Variants in SCARB1 observed in about 807,000 individuals in gnomAD.
The protein encoded by SCARB1 is scavenger receptor class B member 1.
In SCARB1, 30 loss-of-function variants were observed where a neutral mutation model predicts 57.2. The ratio of observed to expected loss-of-function variants is 0.52; its 90% CI spans 0.39 to 0.71. The LOEUF is 0.71. SCARB1 is among the 30% of genes least tolerant of loss of function. SCARB1 has a pLI of 0.00. For missense variants in SCARB1, 543 were observed against 671.2 expected, an observed-to-expected ratio of 0.81 and a Z score of 2.11; for synonymous variants, 249 against 268.3, an observed-to-expected ratio of 0.93 and a Z score of 0.70.
Position 124,837,528 on chromosome 12 carries a change from GA to G in SCARB1, c.127-19822del, listed in dbSNP as rs1225930420. ...GGGAGAAAAAAGAAAAGAAAGGAAA[GA>G]AAAAGAAAGAAAAGAAAAGAAAAGA... On this transcript the variant is annotated intron_variant, in intron 1 of 12. Transcript: ENST00000261693. Among the ~76,000 whole-genome samples the G allele has an allele frequency of 8.7e-3, 707 of 81,510 alleles. 46 individuals are homozygous for G. The East Asian group carries it at 0.16, about 18-fold the overall frequency. 53.5% of individuals were successfully genotyped at this position (81,510 alleles called of 152,430 possible).
intron 9 of SCARB1, among the ~76,000 whole-genome samples, chr12:124,791,441 C>T (rs1009374402): frequency 1.3e-5 from 2 of 152,144 alleles, no homozygotes; most frequent in African/African-American, 4.8e-5. Flanking sequence ...CTTCCTAGGA[C>T]TCTAGGGAGG....
intron 8 of SCARB1, among the ~76,000 whole-genome samples, chr12:124,795,587 C>T (rs1287966481): frequency 6.6e-6 from 1 of 152,234 alleles, no homozygotes; most frequent in African/African-American, 2.4e-5. Context: ...AATACCTAAT[C>T]ACTTTCACCT....
At chr12:124,821,374 T>C in intron 1 of SCARB1, 3 of 985,356 alleles carry the variant, frequency 3.0e-6, no homozygotes, top group Non-Finnish European at 3.6e-6. Flanking sequence ...TCCTTTGGAA[T>C]CTCACCATGC....
chr12:124,810,324 G>A lies in SCARB1; in HGVS notation c.727-35C>T, dbSNP rs1950476566. 6.8e-7 allele frequency: 1 copy of A among 1,468,098 alleles called. No individual in the cohort carries two copies. The highest frequency in any genetic ancestry group is 9.5e-7 in the Non-Finnish European group (1 of 1,047,328). 90.9% of individuals were successfully genotyped at this position (1,468,098 alleles called of 1,614,324 possible). On this transcript the variant is annotated intron_variant, in intron 5 of 12. Transcript: ENST00000261693. The surrounding 1 kb of genome is among the most constrained non-coding windows in gnomAD (Gnocchi z 4.0). ...AGCATCCAGACTAGACCCCTCAGTA[G>A]GGCCAAGGCCCCTTAATAAGCCCTC... is the stretch of plus-strand genomic sequence containing the variant.
At chr12:124,825,224 C>CAA (rs60776063) in intron 1 of SCARB1, among the ~76,000 whole-genome samples, 22 of 43,656 alleles carry the variant, frequency 5.0e-4, no homozygotes, top group Admixed American at 9.3e-4. Flanking sequence ...GACTCCATCT[C>CAA]AAAAAAAAAA....
chr12:124,843,528 G>A (rs910458730), intron 1 of SCARB1, among the ~76,000 whole-genome samples: 3 of 152,144 alleles, frequency 2.0e-5, no homozygotes, highest in African/African-American at 7.2e-5. Flanking sequence ...TTTGAACCCA[G>A]AGCTCTGCAG....
chr12:124,840,424 C>G (rs1337974947), intron 1 of SCARB1, among the ~76,000 whole-genome samples: 1 of 152,306 alleles, frequency 6.6e-6, no homozygotes, highest in South Asian at 2.1e-4. Flanking sequence ...GATCCGCCCA[C>G]CTTGGCCTCC....
At chr12:124,839,125 A>T (rs2135779286) in intron 1 of SCARB1, 1 of 416,568 alleles carries the variant, frequency 2.4e-6, no homozygotes, top group Non-Finnish European at 4.8e-6. Flanking sequence ...GGACATTTGC[A>T]ATGTTGTGCA....
rs756190209 is a variant in SCARB1, at chr12:124,786,104, C to T, written c.1401+253G>A. ...GTACCAGGTCTCATTACTCAAAGCC[C>T]ACCTGTGCCCCCTCCAAGGGAGGGT... On this transcript the variant is annotated intron_variant, in intron 11 of 12. Coordinates refer to ENST00000261693, the MANE Select transcript of SCARB1 (RefSeq NM_005505.5). The T allele has an allele frequency of 7.2e-6, 11 of 1,533,998 alleles. No individual in the cohort carries two copies. In the South Asian group the frequency reaches 1.3e-4, roughly 18 times the overall value.
Position 124,863,831 on chromosome 12 carries a change from G to T in SCARB1, c.-111C>A. On this transcript the variant is annotated 5_prime_UTR_variant, in exon 1 of 13. Transcript: ENST00000261693. ...GGACTCCGGGCACGCAGGCCGCAGA[G>T]GCACGGTGGATCCGGGACGGCAGCG... The T allele has an allele frequency of 1.6e-6, 2 of 1,289,562 alleles. No individual in the cohort carries two copies. The highest frequency in any genetic ancestry group is 2.0e-6 in the Non-Finnish European group (2 of 1,001,118). The allele number at this position is 1,289,562 out of a possible 1,614,324, so 79.9% of individuals were successfully genotyped here.
intron 1 of SCARB1, among the ~76,000 whole-genome samples, chr12:124,837,212 T>C (rs550829584): frequency 1.4e-4 from 21 of 152,262 alleles, no homozygotes; most frequent in East Asian, 1.3e-3. Flanking sequence ...CCCCACTGTT[T>C]CCACACAAGT....
At chr12:124,791,212 C>T (rs900505468) in intron 9 of SCARB1, among the ~76,000 whole-genome samples, 6 of 152,224 alleles carry the variant, frequency 3.9e-5, no homozygotes, top group Non-Finnish European at 7.3e-5. Flanking sequence ...GACTTGGCCC[C>T]GTGTGGCTTT....
intron 1 of SCARB1, among the ~76,000 whole-genome samples, chr12:124,836,519 G>A (rs911431114): frequency 1.1e-4 from 16 of 152,212 alleles, no homozygotes; most frequent in Non-Finnish European, 1.8e-4. Context: ...TAGGCTGGGT[G>A]TGGTGGCTCA....
At chr12:124,802,994 G>A (rs1346019017) in intron 7 of SCARB1, among the ~76,000 whole-genome samples, 2 of 152,232 alleles carry the variant, frequency 1.3e-5, no homozygotes, top group African/African-American at 4.8e-5. Flanking sequence ...GGAAGGAGAA[G>A]ATGGAGGTGG....
At chr12:124,841,745 C>T (rs1951919007) in intron 1 of SCARB1, among the ~76,000 whole-genome samples, 1 of 152,166 alleles carries the variant, frequency 6.6e-6, no homozygotes, top group African/African-American at 2.4e-5. Flanking sequence ...AGCCCCTCCT[C>T]TGAGAGGCCC....
At chr12:124,818,679 T>A (rs2135698604) in intron 1 of SCARB1, among the ~76,000 whole-genome samples, 1 of 151,576 alleles carries the variant, frequency 6.6e-6, no homozygotes, top group Admixed American at 6.6e-5. Context: ...GGAGTCTTGC[T>A]CTGTGGCCCA....
At chr12:124,819,392 A>G (rs1950864577) in intron 1 of SCARB1, among the ~76,000 whole-genome samples, 1 of 152,222 alleles carries the variant, frequency 6.6e-6, no homozygotes, top group African/African-American at 2.4e-5. Context: ...AAAGAAATGT[A>G]TATGAAATCT....
rs545831845 is a variant in SCARB1, at chr12:124,822,926, T to A, written c.127-5219A>T. On this transcript the variant is annotated intron_variant, in intron 1 of 12. Transcript: ENST00000261693. The surrounding 1 kb of genome is among the most constrained non-coding windows in gnomAD (Gnocchi z 5.0). The stretch of plus-strand genomic sequence containing the variant: ...CAACACCACCACCCATGACATGCTA[T>A]ATTTACCGCTATGGAACAATCTCCA... Among the ~76,000 whole-genome samples the A allele has an allele frequency of 1.3e-5, 2 of 152,244 alleles. No homozygotes were observed. Among genetic ancestry groups the A allele is most frequent in the Non-Finnish European group, 2.9e-5 (2 of 68,020 alleles).
intron 1 of SCARB1, among the ~76,000 whole-genome samples, chr12:124,840,260 A>G (rs868590041): frequency 2.7e-5 from 4 of 150,820 alleles, no homozygotes; most frequent in Non-Finnish European, 5.9e-5. Flanking sequence ...TGCAACCTCT[A>G]CCTCCCAGGT....
Sources: allele counts gnomAD v4.1 joint callset (sites outside exome capture counted in the v4.1 genomes callset), GRCh38; gene constraint gnomAD v4.1.1; non-coding constraint Gnocchi (gnomAD v3.1); transcripts MANE v1.5; gene names NCBI Gene and HGNC (gene_info 2026-07-23, HGNC 2026-07-21).